The following PPP2R5E variants were observed in gnomAD, a reference collection of about 807,000 sequenced individuals.
PPP2R5E encodes serine/threonine-protein phosphatase 2A 56 kDa regulatory subunit epsilon isoform.
Under a neutral mutation model 65.3 loss-of-function variants are expected in PPP2R5E, and 4 were observed. That is an observed-to-expected ratio of 0.06 (90% CI 0.03 to 0.14). The LOEUF (loss-of-function observed/expected upper bound fraction) is 0.14, where lower values mean the gene tolerates loss of function less well. Among genes scored for constraint, PPP2R5E ranks in the 10% least tolerant of loss-of-function variants. PPP2R5E has a pLI of 1.00. For synonymous variants in PPP2R5E, 183 were observed against 187.4 expected (o/e 0.98, Z 0.19); for missense variants, 274 against 556.1 (o/e 0.49, Z 5.10).
chr14:63,405,111 G>C (rs183639000), intron 5 of PPP2R5E, among the ~76,000 whole-genome samples: 1 of 152,280 alleles, frequency 6.6e-6, no homozygotes, highest in African/African-American at 2.4e-5. Context: ...GAGCAATAAA[G>C]CCCTTTTTAC....
At chr14:63,519,563 A>AG (rs1415508303) in intron 2 of PPP2R5E, among the ~76,000 whole-genome samples, 1 of 139,226 alleles carries the variant, frequency 7.2e-6, no homozygotes, top group East Asian at 2.1e-4. Context: ...CGTGTTGGCC[A>AG]GGGGGGTCTC....
intron 2 of PPP2R5E, 101 bp downstream of exon 2, chr14:63,539,428 C>A: frequency 1.5e-6 from 2 of 1,296,538 alleles, no homozygotes; most frequent in South Asian, 3.1e-5. Context: ...TATCCCATCC[C>A]TTCAATTTGC....
intron 4 of PPP2R5E, among the ~76,000 whole-genome samples, chr14:63,420,706 T>C (rs767688493): frequency 1.3e-5 from 2 of 152,186 alleles, no homozygotes; most frequent in Non-Finnish European, 2.9e-5. Context: ...GAAAAACTCT[T>C]AGAATATCTC....
intron 2 of PPP2R5E, among the ~76,000 whole-genome samples, chr14:63,454,754 TC>T (rs1889028687): frequency 2.6e-5 from 4 of 152,214 alleles, no homozygotes; most frequent in Non-Finnish European, 4.4e-5. Context: ...CCTCCTATCT[TC>T]TTTCCAATAT....
intron 3 of PPP2R5E, chr14:63,453,039 A>G (rs1280257442): frequency 6.6e-6 from 1 of 152,252 alleles, no homozygotes; most frequent in East Asian, 1.9e-4. Flanking sequence ...GAAATCTATC[A>G]GAAAACCACA....
At chr14:63,405,894 C>G (rs1322970781) in intron 5 of PPP2R5E, among the ~76,000 whole-genome samples, 1 of 152,084 alleles carries the variant, frequency 6.6e-6, no homozygotes, top group Admixed American at 6.5e-5. Flanking sequence ...ATCAACATTA[C>G]CACAGACAAA....
At position 63,467,243 on chromosome 14, in the gene PPP2R5E, C is replaced by CA. The variant is rs978615067; in HGVS notation, c.158-13359dup. ...GTCTCAAAAAAAACAAACAAACAAACAAAAAAAACACTATTTACAACATGT... is the reference window on the plus strand; with the variant it reads ...GTCTCAAAAAAAACAAACAAACAAACAAAAAAAAACACTATTTACAACATGT... On this transcript the variant is annotated intron_variant, in intron 2 of 13. Coordinates refer to ENST00000337537, the MANE Select transcript of PPP2R5E (RefSeq NM_006246.5). 2.8e-4 allele frequency among the ~76,000 whole-genome samples: 34 copies of CA among 122,818 alleles called. 2 individuals are homozygous for CA. Among genetic ancestry groups the CA allele is most frequent in the Non-Finnish European group, 4.8e-4 (29 of 60,574 alleles). 80.6% of individuals were successfully genotyped at this position (122,818 alleles called of 152,430 possible).
intron 2 of PPP2R5E, among the ~76,000 whole-genome samples, chr14:63,497,517 C>A (rs1394033057): frequency 1.3e-5 from 2 of 152,114 alleles, no homozygotes; most frequent in African/African-American, 4.8e-5. Context: ...CTTTGGGAGG[C>A]AGAGGTGGAT....
chr14:63,442,462 G>A (rs1287256532), intron 3 of PPP2R5E, among the ~76,000 whole-genome samples: 2 of 144,050 alleles, frequency 1.4e-5, no homozygotes, highest in Non-Finnish European at 3.0e-5. Flanking sequence ...TCACCTCCAA[G>A]GCAAATTCTG....
intron 7 of PPP2R5E, 136 bp from the exon 8 acceptor site, chr14:63,394,064 A>C: frequency 2.6e-6 from 1 of 381,664 alleles, no homozygotes; most frequent in Non-Finnish European, 4.7e-6. Flanking sequence ...TGGCATTCAG[A>C]ATTTCCTTTT....
chr14:63,456,696 C>T (rs1311629394), intron 2 of PPP2R5E, among the ~76,000 whole-genome samples: 1 of 152,172 alleles, frequency 6.6e-6, no homozygotes, highest in Non-Finnish European at 1.5e-5. Flanking sequence ...GGATTGGCTC[C>T]AAAGCCTGGA....
intron 2 of PPP2R5E, among the ~76,000 whole-genome samples, chr14:63,491,141 C>A (rs763098019): frequency 6.6e-6 from 1 of 152,086 alleles, no homozygotes; most frequent in African/African-American, 2.4e-5. Flanking sequence ...AAGCCAAATG[C>A]TGCATATTTT....
intron 2 of PPP2R5E, among the ~76,000 whole-genome samples, chr14:63,488,592 T>G (rs1245343454): frequency 1.3e-5 from 2 of 152,162 alleles, no homozygotes. Flanking sequence ...GTCATGCCTG[T>G]AATCCCAGCA....
In PPP2R5E at chr14:63,448,567, G is replaced by C. The variant is rs11850080; in HGVS notation, c.354+5122C>G. Among the ~76,000 whole-genome samples the C allele has an allele frequency of 9.6e-3, 1,454 of 152,150 alleles. 30 individuals carry two copies. The highest frequency in any genetic ancestry group is 0.034 in the African/African-American group (1,400 of 41,520). ...GCACTTTGGGAGGCTGAGGTGGGTA[G>C]ATCATGAGGTCAGGAGTTCGAGACT... is the stretch of plus-strand genomic sequence containing the variant. On this transcript the variant is annotated intron_variant, in intron 3 of 13. Transcript: ENST00000337537.
At chr14:63,477,772 A>C (rs773857285) in intron 2 of PPP2R5E, among the ~76,000 whole-genome samples, 2 of 151,996 alleles carry the variant, frequency 1.3e-5, no homozygotes, top group Non-Finnish European at 2.9e-5. Context: ...ATGTACACTG[A>C]AGTGCTATCA....
In PPP2R5E at chr14:63,415,011, T is replaced by TTATA. The variant is rs111300116; in HGVS notation, c.549+125_549+128dup. The TTATA allele has an allele frequency of 4.8e-3, 2,133 of 444,868 alleles. 44 individuals are homozygous for TTATA. Among genetic ancestry groups the TTATA allele is most frequent in the African/African-American group, 0.04 (1,870 of 47,134 alleles). The allele number at this position is 444,868 out of a possible 1,614,324, so 27.6% of individuals were successfully genotyped here. Reference sequence around the variant, plus strand: ...GGCAGTAATGGAAATTAACTTATGTTTATATATATATATATATTTTGTGGG... The same window carrying TTATA: ...GGCAGTAATGGAAATTAACTTATGTTTATATATATATATATATATATTTTGTGGG... On this transcript the variant is annotated intron_variant, in intron 5 of 13. Transcript: ENST00000337537.
At chr14:63,497,257 G>A (rs921127512) in intron 2 of PPP2R5E, among the ~76,000 whole-genome samples, 6 of 151,844 alleles carry the variant, frequency 4.0e-5, no homozygotes, top group Admixed American at 2.0e-4. Flanking sequence ...AAAACAACAT[G>A]GCAAAATAAC....
intron 3 of PPP2R5E, among the ~76,000 whole-genome samples, chr14:63,448,835 TA>T (rs1309533182): frequency 1.4e-5 from 2 of 138,624 alleles, no homozygotes; most frequent in African/African-American, 5.5e-5. Flanking sequence ...TGAAGTGCAA[TA>T]AAACGAGGTG....
At chr14:63,385,372 G>A (rs1884601453) in intron 11 of PPP2R5E, among the ~76,000 whole-genome samples, 1 of 151,968 alleles carries the variant, frequency 6.6e-6, no homozygotes, top group Non-Finnish European at 1.5e-5. Context: ...GTGGTTCATC[G>A]ACTCAGGGAA....
Sources: allele counts gnomAD v4.1 joint callset (sites outside exome capture counted in the v4.1 genomes callset), GRCh38; gene constraint gnomAD v4.1.1; transcripts MANE v1.5; gene names NCBI Gene and HGNC (gene_info 2026-07-23, HGNC 2026-07-21).